The following SCFD1 variants were observed in gnomAD, a reference collection of about 807,000 sequenced individuals.
The protein encoded by SCFD1 is sec1 family domain containing 1.
SCFD1 carries 37 observed loss-of-function variants against 103.2 expected under a neutral mutation model. That is an observed-to-expected ratio of 0.36 (90% confidence interval 0.28 to 0.47). SCFD1 has a LOEUF of 0.47. SCFD1 is among the 20% of genes least tolerant of loss of function. The probability of loss-of-function intolerance (pLI) is 1.00; values close to 1 mark genes in which losing one functional copy is unlikely to be tolerated. For synonymous variants in SCFD1, 264 were observed against 245.0 expected (o/e 1.08, Z -0.73); for missense variants, 639 against 761.2 (o/e 0.84, Z 1.89).
intron 19 of SCFD1, among the ~76,000 whole-genome samples, chr14:30,709,395 G>A (rs1254221190): frequency 1.3e-5 from 2 of 151,992 alleles, no homozygotes; most frequent in African/African-American, 4.8e-5. Context: ...GCCACACCTG[G>A]CTAATCTTTG....
intron 10 of SCFD1, among the ~76,000 whole-genome samples, chr14:30,656,422 G>A (rs1886911110): frequency 6.6e-6 from 1 of 152,108 alleles, no homozygotes; most frequent in South Asian, 2.1e-4. Context: ...TGACGTTTTG[G>A]ACCTGATCAT....
chr14:30,656,599 A>G (rs549113846), intron 10 of SCFD1, among the ~76,000 whole-genome samples: 8 of 152,282 alleles, frequency 5.3e-5, no homozygotes, highest in South Asian at 2.1e-4. Flanking sequence ...AAATTGCCCA[A>G]TTGAGAACCA....
intron 15 of SCFD1, among the ~76,000 whole-genome samples, chr14:30,696,919 C>T (rs956112564): frequency 1.3e-5 from 2 of 152,106 alleles, no homozygotes; most frequent in Admixed American, 1.3e-4. Flanking sequence ...CCCAATTTCC[C>T]ATTGTCAGAG....
chr14:30,641,669 T>C (rs1200696563), intron 6 of SCFD1, among the ~76,000 whole-genome samples: 2 of 152,200 alleles, frequency 1.3e-5, no homozygotes, highest in South Asian at 4.1e-4. Context: ...TTGAAATAGA[T>C]GGTATTTGCA....
chr14:30,711,734 T>A (rs1891889284), intron 19 of SCFD1, among the ~76,000 whole-genome samples: 1 of 151,322 alleles, frequency 6.6e-6, no homozygotes, highest in South Asian at 2.1e-4. Flanking sequence ...AATTATTAAA[T>A]TATTATTTTA....
chr14:30,714,124 G>C (rs1188689830), intron 19 of SCFD1, among the ~76,000 whole-genome samples: 3 of 151,326 alleles, frequency 2.0e-5, no homozygotes, highest in Admixed American at 6.6e-5. Context: ...GAGGCAGGTG[G>C]ATCATGAGGT....
At chr14:30,683,667 A>G (rs1889681137) in intron 14 of SCFD1, 1 of 208,500 alleles carries the variant, frequency 4.8e-6, no homozygotes, top group African/African-American at 2.4e-5. Flanking sequence ...ATACTTTCCT[A>G]TAGATATTAC....
intron 1 of SCFD1, 61 bp downstream of exon 1, chr14:30,622,460 C>G (rs1312660776): frequency 1.8e-5 from 27 of 1,540,782 alleles, no homozygotes; most frequent in Non-Finnish European, 2.3e-5. Flanking sequence ...TCCTTCTCCT[C>G]TGGTGCGTGC....
intron 15 of SCFD1, among the ~76,000 whole-genome samples, chr14:30,698,193 C>T (rs1342841992): frequency 6.6e-6 from 1 of 152,192 alleles, no homozygotes; most frequent in Non-Finnish European, 1.5e-5. Flanking sequence ...TAAGGGAATT[C>T]TAACTTTAAA....
intron 20 of SCFD1, among the ~76,000 whole-genome samples, chr14:30,717,846 T>TG (rs1415226991): frequency 6.7e-6 from 1 of 148,272 alleles, no homozygotes; most frequent in Non-Finnish European, 1.5e-5. Context: ...ATCATGCCAC[T>TG]GCACTCCAGC....
rs1181569275 is a variant in SCFD1 at position 30,650,671 on chromosome 14, A to G, written c.755+21A>G. On this transcript the variant is annotated intron_variant, in intron 9 of 24. Transcript: ENST00000458591. ...TTCAGGTATTACTGTTATTAAATACACTTGTAAGACTTTAAAATATTTGTA... is the reference window on the plus strand; with the variant it reads ...TTCAGGTATTACTGTTATTAAATACGCTTGTAAGACTTTAAAATATTTGTA... 10 of 1,272,080 alleles carry G rather than the reference A, an allele frequency of 7.9e-6. No homozygotes were observed. In the East Asian group the frequency reaches 2.3e-4, roughly 29 times the overall value. 78.8% of individuals were successfully genotyped at this position (1,272,080 alleles called of 1,614,324 possible).
intron 5 of SCFD1, 151 bp downstream of exon 5, chr14:30,638,398 T>A (rs575262588): frequency 8.8e-7 from 1 of 1,142,516 alleles, no homozygotes; most frequent in African/African-American, 1.6e-5. Flanking sequence ...TCTGATAATA[T>A]AAATTATATT....
Position 30,715,994 on chromosome 14 carries a change from A to G in SCFD1, c.1683+17A>G. The G allele has an allele frequency of 7.6e-6, 11 of 1,452,284 alleles. No individual in the cohort carries two copies. The highest frequency in any genetic ancestry group is 1.1e-5 in the Non-Finnish European group (11 of 1,045,892). 90.0% of individuals were successfully genotyped at this position (1,452,284 alleles called of 1,614,324 possible). Reference sequence around the variant, plus strand: ...TCAAACCCCGTGAGTACCATATAACATATTTTGTGTAAATTCCCGAATGTG... The same window carrying G: ...TCAAACCCCGTGAGTACCATATAACGTATTTTGTGTAAATTCCCGAATGTG... On this transcript the variant is annotated intron_variant, in intron 20 of 24. Transcript: ENST00000458591.
At chr14:30,712,439 G>GAACTC (rs1302839631) in intron 19 of SCFD1, among the ~76,000 whole-genome samples, 1 of 151,932 alleles carries the variant, frequency 6.6e-6, no homozygotes, top group African/African-American at 2.4e-5. Flanking sequence ...AATTCTAAGA[G>GAACTC]AACTCAAAGG....
chr14:30,721,730 C>T, intron 21 of SCFD1, 154 bp from the exon 22 acceptor site: 1 of 627,588 alleles, frequency 1.6e-6, no homozygotes, highest in East Asian at 3.1e-5. Context: ...CTACCTGGCT[C>T]AGCAAAATTA....
At position 30,702,327 on chromosome 14, in the gene SCFD1, C is replaced by T. The variant is rs148295898; in HGVS notation, c.1442C>T (p.Thr481Ile). Residue 481 changes from threonine (T) to isoleucine (I), a missense_variant, in exon 17 of 25, where the codon ACT (threonine) becomes ATT (isoleucine). Coordinates refer to ENST00000458591, the MANE Select transcript of SCFD1 (RefSeq NM_016106.4). ...TTGGAGCAATATAAAAAAGCTTTAA[C>T]TGATGCAGGATGCAACCTTAATCCT... is the stretch of plus-strand genomic sequence containing the variant. The part of the protein sequence containing the change: ...ADLEQYKKAL[T>I]DAGCNLNPLQ... 3.3e-5 allele frequency: 53 copies of T among 1,602,046 alleles called. No individual in the cohort carries two copies. Among genetic ancestry groups the T allele is most frequent in the Non-Finnish European group, 4.2e-5 (49 of 1,174,196 alleles).
chr14:30,708,306 CAGCATCCATT>C (rs1170145012), intron 19 of SCFD1, among the ~76,000 whole-genome samples: 2 of 152,008 alleles, frequency 1.3e-5, no homozygotes, highest in African/African-American at 4.8e-5. Flanking sequence ...GTATTAAGCC[CAGCATCCATT>C]AGCTCACTTC....
chr14:30,684,799 G>GTTT (rs1889820677), intron 14 of SCFD1, among the ~76,000 whole-genome samples: 11 of 38,288 alleles, frequency 2.9e-4, no homozygotes, highest in Admixed American at 1.4e-3. Flanking sequence ...TGTTGCAATT[G>GTTT]TTTCTTTTTT....
At chr14:30,705,596 A>G (rs1891413549) in intron 17 of SCFD1, among the ~76,000 whole-genome samples, 2 of 152,206 alleles carry the variant, frequency 1.3e-5, no homozygotes, top group South Asian at 2.1e-4. Flanking sequence ...TGATGGCACC[A>G]CTGCATTCCA....
Sources: allele counts gnomAD v4.1 joint callset (sites outside exome capture counted in the v4.1 genomes callset), GRCh38; gene constraint gnomAD v4.1.1; transcripts MANE v1.5; gene names NCBI Gene and HGNC (gene_info 2026-07-23, HGNC 2026-07-21).